The following SOX6 variants were observed in gnomAD, a reference collection of about 807,000 sequenced individuals.
SOX6 encodes SRY-box transcription factor 6.
In SOX6, 11 loss-of-function variants were observed where a neutral mutation model predicts 97.8. The ratio of observed to expected loss-of-function variants is 0.11; its 90% CI spans 0.07 to 0.19. The LOEUF (loss-of-function observed/expected upper bound fraction) is 0.19, where lower values mean the gene tolerates loss of function less well. SOX6 is among the 10% of genes least tolerant of loss of function. The pLI, the probability that SOX6 is intolerant of heterozygous loss-of-function variation, is 1.00. For synonymous variants in SOX6, 360 were observed against 371.4 expected (o/e 0.97, Z 0.35); for missense variants, 810 against 1,039.5 (o/e 0.78, Z 3.04).
At chr11:16,492,462 G>C (rs1277900277) in intron 4 of SOX6, among the ~76,000 whole-genome samples, 1 of 152,194 alleles carries the variant, frequency 6.6e-6, no homozygotes, top group Non-Finnish European at 1.5e-5. Context: ...AGATGGGGGA[G>C]TAAACACCAC....
Position 16,183,901 on chromosome 11 carries a change from C to G in SOX6, c.762G>C (p.Leu254=), listed in dbSNP as rs768293879. 3.1e-6 allele frequency: 5 copies of G among 1,612,308 alleles called. No individual in the cohort carries two copies. In the South Asian group the frequency reaches 5.5e-5, roughly 18 times the overall value. Residue 254 remains leucine (L), a synonymous_variant, in exon 6 of 16, where the codon CTG becomes CTC. Coordinates refer to ENST00000683767, the MANE Select transcript of SOX6 (RefSeq NM_001367873.1). ...ATACACTGACCTGGATCTGTTGCTG[C>G]AGGAGATTAATTTTGTGCTGCTGTT... The part of the protein sequence containing the change: ...LLQQQHKINL[L]QQQIQVQGHM...
At chr11:16,318,387 TA>T in intron 3 of SOX6, 58 bp downstream of exon 3, 1 of 1,537,174 alleles carries the variant, frequency 6.5e-7, no homozygotes, top group Non-Finnish European at 9.0e-7. Context: ...TTTTTTTTTT[TA>T]AGGCCTGGAA....
At chr11:16,686,198 G>A (rs1437946796) in intron 3 of SOX6, among the ~76,000 whole-genome samples, 1 of 152,232 alleles carries the variant, frequency 6.6e-6, no homozygotes, top group Non-Finnish European at 1.5e-5. Flanking sequence ...TTAGCACATG[G>A]TTCCCTTTTA....
intron 3 of SOX6, among the ~76,000 whole-genome samples, chr11:16,701,652 T>A (rs1848094728): frequency 6.6e-6 from 1 of 151,704 alleles, no homozygotes; most frequent in South Asian, 2.1e-4. Context: ...GGTCAGGAGA[T>A]GAGACCATCC....
intron 4 of SOX6, among the ~76,000 whole-genome samples, chr11:16,225,279 A>T (rs1196196269): frequency 6.6e-6 from 1 of 152,040 alleles, no homozygotes. Flanking sequence ...AAAGTGGCAG[A>T]TGATTAATCT....
At chr11:16,599,133 C>T (rs139163579) in intron 4 of SOX6, among the ~76,000 whole-genome samples, 19 of 152,224 alleles carry the variant, frequency 1.2e-4, no homozygotes, top group African/African-American at 2.6e-4. Context: ...ACGCAAAACT[C>T]TTAAAGGATT....
chr11:16,670,314 C>T (rs1484996791), intron 3 of SOX6, among the ~76,000 whole-genome samples: 2 of 152,062 alleles, frequency 1.3e-5, no homozygotes, highest in African/African-American at 4.8e-5. Context: ...TCTCTCCTCC[C>T]TGCGAGCCTT....
At chr11:16,615,495 C>G (rs929786998) in intron 3 of SOX6, among the ~76,000 whole-genome samples, 1 of 152,162 alleles carries the variant, frequency 6.6e-6, no homozygotes, top group African/African-American at 2.4e-5. Flanking sequence ...AGTCAGGGAC[C>G]AATTCCATTA....
chr11:16,240,062 A>C (rs2134183624), intron 3 of SOX6, among the ~76,000 whole-genome samples: 2 of 152,238 alleles, frequency 1.3e-5, no homozygotes, highest in East Asian at 3.9e-4. Flanking sequence ...AAATGACTCA[A>C]GGATAAAATT....
intron 12 of SOX6, among the ~76,000 whole-genome samples, chr11:16,029,451 G>A (rs1022703927): frequency 3.5e-4 from 53 of 151,742 alleles, no homozygotes; most frequent in African/African-American, 1.3e-3. Context: ...GCCTGGCCAA[G>A]ATGGTGAAAC....
chr11:15,973,256 A>T lies in SOX6; in HGVS notation c.2184-144T>A, dbSNP rs140066003. The T allele has an allele frequency of 9.3e-4, 774 of 829,386 alleles. 6 individuals are homozygous for T. The East Asian group carries it at 0.016, about 17-fold the overall frequency. 51.4% of individuals were successfully genotyped at this position (829,386 alleles called of 1,614,324 possible). ...ACATTCTAAGCAAATAAAATGTGAC[A>T]AAGGTGTTCCCTGGAGGAGTACTGC... On this transcript the variant is annotated intron_variant, in intron 15 of 15. Coordinates refer to ENST00000683767, the MANE Select transcript of SOX6 (RefSeq NM_001367873.1).
At chr11:16,324,674 T>A (rs982710801) in intron 2 of SOX6, among the ~76,000 whole-genome samples, 2 of 152,158 alleles carry the variant, frequency 1.3e-5, no homozygotes, top group Non-Finnish European at 2.9e-5. Context: ...TTTGGGGAAC[T>A]AGTATATCCA....
At chr11:16,288,799 T>C (rs1041246738) in intron 3 of SOX6, among the ~76,000 whole-genome samples, 3 of 152,068 alleles carry the variant, frequency 2.0e-5, no homozygotes, top group Admixed American at 6.6e-5. Flanking sequence ...TTTTATATAA[T>C]ACTTTCATTT....
intron 1 of SOX6, among the ~76,000 whole-genome samples, chr11:16,351,577 G>A (rs946147747): frequency 3.3e-5 from 5 of 152,026 alleles, no homozygotes; most frequent in African/African-American, 4.8e-5. Flanking sequence ...CCTGGCACTT[G>A]AGGCCCTCCA....
chr11:16,398,203 T>C (rs1858419653), intron 1 of SOX6, among the ~76,000 whole-genome samples: 1 of 151,590 alleles, frequency 6.6e-6, no homozygotes, highest in African/African-American at 2.4e-5. Flanking sequence ...AGGATCAGCT[T>C]AAGCTTACCT....
chr11:16,672,148 G>A (rs1847851583), intron 3 of SOX6, among the ~76,000 whole-genome samples: 1 of 152,186 alleles, frequency 6.6e-6, no homozygotes, highest in South Asian at 2.1e-4. Flanking sequence ...CTTGAAAAGA[G>A]CACTAAATAT....
chr11:16,437,399 T>C (rs1353277551), intron 1 of SOX6, among the ~76,000 whole-genome samples: 1 of 152,024 alleles, frequency 6.6e-6, no homozygotes, highest in Admixed American at 6.6e-5. Flanking sequence ...CCAACCCCAC[T>C]AGATTGTGAG....
chr11:16,467,730 C>T (rs1293052757), intron 1 of SOX6, among the ~76,000 whole-genome samples: 1 of 152,042 alleles, frequency 6.6e-6, no homozygotes, highest in African/African-American at 2.4e-5. Context: ...ACAACAAACC[C>T]TCATGACACA....
At chr11:16,706,776 C>T (rs953274699) in intron 3 of SOX6, among the ~76,000 whole-genome samples, 3 of 151,320 alleles carry the variant, frequency 2.0e-5, no homozygotes, top group Non-Finnish European at 4.4e-5. Context: ...TTTTAATATA[C>T]TTTATTATTT....
Sources: gnomAD v4.1 joint callset for allele counts (sites outside exome capture counted in the v4.1 genomes callset) on GRCh38, gnomAD v4.1.1 for gene constraint, MANE v1.5 for transcripts, NCBI Gene and HGNC (gene_info 2026-07-23, HGNC 2026-07-21) for gene names.